Variants in MEIS1 observed in about 807,000 individuals in gnomAD.
MEIS1 encodes homeobox protein Meis1.
A neutral mutation model predicts 50.8 loss-of-function variants in MEIS1; 5 were observed. The observed-to-expected ratio is 0.10, with a 90% CI of 0.05 to 0.21. The LOEUF (loss-of-function observed/expected upper bound fraction) is 0.21, where lower values mean the gene tolerates loss of function less well. Ranked by LOEUF, MEIS1 falls within the 10% of genes least tolerant of loss-of-function variation. MEIS1 has a pLI of 1.00. For synonymous variants in MEIS1, 176 were observed against 179.3 expected, an observed-to-expected ratio of 0.98 and a Z score of 0.15; for missense variants, 318 against 517.3, an observed-to-expected ratio of 0.61 and a Z score of 3.74.
rs530523542 is a variant in MEIS1 at position 66,541,664 on chromosome 2, A to G, written c.889-6279A>G. ...TTTAGTCTGAGCAACTAGGCAATAT[A>G]GGAGTGTTGGTGGAGAATTAAGAAA... On this transcript the variant is annotated intron_variant, in intron 8 of 12. Transcript: ENST00000272369. 2.0e-4 allele frequency among the ~76,000 whole-genome samples: 31 copies of G among 152,344 alleles called. 1 individual carries two copies. The highest frequency in any genetic ancestry group is 7.5e-4 in the African/African-American group (31 of 41,592).
intron 6 of MEIS1, chr2:66,461,942 C>A (rs750842288): frequency 1.5e-5 from 7 of 452,940 alleles, no homozygotes; most frequent in Admixed American, 8.0e-5. Context: ...GATTTAAGAA[C>A]CTTAGCTAAA....
chr2:66,561,204 T>A (rs977371674), intron 9 of MEIS1, among the ~76,000 whole-genome samples: 1 of 152,202 alleles, frequency 6.6e-6, no homozygotes, highest in South Asian at 2.1e-4. Context: ...CCCTGAGGGT[T>A]TGTTTATAAA....
intron 5 of MEIS1, among the ~76,000 whole-genome samples, chr2:66,442,041 T>A (rs981897949): frequency 5.9e-5 from 9 of 152,134 alleles, no homozygotes; most frequent in African/African-American, 2.2e-4. Context: ...CTGTGAATCC[T>A]GCACACACTC....
At chr2:66,566,164 A>G (rs1675342256) in intron 9 of MEIS1, among the ~76,000 whole-genome samples, 1 of 152,222 alleles carries the variant, frequency 6.6e-6, no homozygotes, top group African/African-American at 2.4e-5. Flanking sequence ...TAGCACAAAC[A>G]GTATACCTTT....
chr2:66,461,543 AAG>A (rs1672517610), intron 6 of MEIS1, among the ~76,000 whole-genome samples: 1 of 152,204 alleles, frequency 6.6e-6, no homozygotes, highest in Admixed American at 6.5e-5. Flanking sequence ...CACTTCAGAG[AAG>A]TGCATTCAGT....
intron 6 of MEIS1, among the ~76,000 whole-genome samples, chr2:66,460,144 T>C (rs1396903796): frequency 6.6e-6 from 1 of 152,178 alleles, no homozygotes; most frequent in Non-Finnish European, 1.5e-5. Context: ...TTGCAGTTTG[T>C]TTGTTGGGAT....
chr2:66,542,472 T>A (rs755669898), intron 8 of MEIS1, among the ~76,000 whole-genome samples: 1 of 147,810 alleles, frequency 6.8e-6, no homozygotes, highest in African/African-American at 2.6e-5. Flanking sequence ...TGGATAAGGC[T>A]TATATTGGAC....
intron 6 of MEIS1, among the ~76,000 whole-genome samples, chr2:66,456,563 G>T (rs1672394190): frequency 6.6e-6 from 1 of 152,216 alleles, no homozygotes; most frequent in Non-Finnish European, 1.5e-5. Flanking sequence ...TTTACCATCT[G>T]CCCTGAGTCA....
chr2:66,544,644 A>T (rs1051790493), intron 8 of MEIS1, among the ~76,000 whole-genome samples: 1 of 152,156 alleles, frequency 6.6e-6, no homozygotes, highest in Admixed American at 6.5e-5. Context: ...AAAAAAATAT[A>T]TATATATCCC....
chr2:66,451,978 A>C (rs1672286396), intron 6 of MEIS1, among the ~76,000 whole-genome samples: 1 of 152,036 alleles, frequency 6.6e-6, no homozygotes, highest in African/African-American at 2.4e-5. Context: ...TGACATTTTA[A>C]ACCTTCACAT....
chr2:66,494,579 G>A (rs895254318), intron 7 of MEIS1, among the ~76,000 whole-genome samples: 2 of 152,200 alleles, frequency 1.3e-5, no homozygotes, highest in African/African-American at 4.8e-5. Flanking sequence ...TAAACAGGCC[G>A]TGTAAAGGTG....
At chr2:66,539,095 G>C (rs1025700813) in intron 8 of MEIS1, among the ~76,000 whole-genome samples, 1 of 152,130 alleles carries the variant, frequency 6.6e-6, no homozygotes, top group Non-Finnish European at 1.5e-5. Flanking sequence ...CACTGTGTTA[G>C]CCGGGATGAT....
intron 9 of MEIS1, among the ~76,000 whole-genome samples, chr2:66,558,708 T>G (rs1675137062): frequency 6.6e-6 from 1 of 152,164 alleles, no homozygotes; most frequent in Non-Finnish European, 1.5e-5. Context: ...TTTTGAGATA[T>G]CCTCTCTTGA....
At chr2:66,470,467 T>C (rs1326519065) in intron 7 of MEIS1, among the ~76,000 whole-genome samples, 5 of 152,234 alleles carry the variant, frequency 3.3e-5, no homozygotes, top group Non-Finnish European at 5.9e-5. Flanking sequence ...CACCCTGTAA[T>C]ATACTCACCT....
At chr2:66,560,202 A>G (rs927069641) in intron 9 of MEIS1, among the ~76,000 whole-genome samples, 1 of 145,760 alleles carries the variant, frequency 6.9e-6, no homozygotes, top group African/African-American at 2.6e-5. Context: ...TTTGAAATTT[A>G]TTTTAATGCC....
chr2:66,510,356 C>G (rs548082757), intron 7 of MEIS1, among the ~76,000 whole-genome samples: 1 of 151,892 alleles, frequency 6.6e-6, no homozygotes, highest in Non-Finnish European at 1.5e-5. Flanking sequence ...CAGCACAGAC[C>G]CCAGTAGTTC....
At chr2:66,530,485 C>T (rs113634881) in intron 8 of MEIS1, among the ~76,000 whole-genome samples, 13 of 151,846 alleles carry the variant, frequency 8.6e-5, no homozygotes, top group African/African-American at 2.7e-4. Flanking sequence ...GAGGCCGAGG[C>T]GGGCGGATCA....
At chr2:66,531,989 G>A (rs1273053053) in intron 8 of MEIS1, among the ~76,000 whole-genome samples, 2 of 151,888 alleles carry the variant, frequency 1.3e-5, no homozygotes, top group East Asian at 3.9e-4. Flanking sequence ...CAGAATTTTG[G>A]GTGGACCAGA....
chr2:66,505,158 A>G (rs917559376), intron 7 of MEIS1, among the ~76,000 whole-genome samples: 3 of 152,238 alleles, frequency 2.0e-5, no homozygotes, highest in African/African-American at 7.2e-5. Flanking sequence ...CCTAAGACAG[A>G]TAATCCAAGC....
Sources: allele counts gnomAD v4.1 joint callset (sites outside exome capture counted in the v4.1 genomes callset), GRCh38; gene constraint gnomAD v4.1.1; transcripts MANE v1.5; gene names NCBI Gene and HGNC (gene_info 2026-07-23, HGNC 2026-07-21).